The following KCTD8 variants were observed in gnomAD, a reference collection of about 807,000 sequenced individuals.
The protein encoded by KCTD8 is potassium channel tetramerization domain containing 8.
KCTD8 carries 27 observed loss-of-function variants against 31.5 expected under a neutral mutation model. The ratio of observed to expected loss-of-function variants is 0.86; its 90% CI spans 0.63 to 1.18. The LOEUF (loss-of-function observed/expected upper bound fraction) is 1.18, where lower values mean the gene tolerates loss of function less well. Among genes scored for constraint, KCTD8 ranks in the 50% most tolerant of loss-of-function variants. KCTD8 has a pLI of 0.00. For synonymous variants in KCTD8, 290 were observed against 280.0 expected, an observed-to-expected ratio of 1.04 and a Z score of -0.36; for missense variants, 658 against 647.7, an observed-to-expected ratio of 1.02 and a Z score of -0.17.
At chr4:44,365,470 A>C (rs542985321) in intron 1 of KCTD8, among the ~76,000 whole-genome samples, 2 of 152,278 alleles carry the variant, frequency 1.3e-5, no homozygotes, top group South Asian at 4.1e-4. Flanking sequence ...GCTATTTTAG[A>C]TGAATTCACA....
chr4:44,431,585 C>T (rs1301015529), intron 1 of KCTD8, among the ~76,000 whole-genome samples: 1 of 151,208 alleles, frequency 6.6e-6, no homozygotes, highest in East Asian at 1.9e-4. Context: ...TTAAAAACAA[C>T]AACAACAAAA....
chr4:44,364,652 T>A (rs191477328), intron 1 of KCTD8, among the ~76,000 whole-genome samples: 132 of 152,210 alleles, frequency 8.7e-4, no homozygotes, highest in African/African-American at 3.1e-3. Flanking sequence ...TTCCAAAACT[T>A]GAAAGCAACC....
intron 1 of KCTD8, among the ~76,000 whole-genome samples, chr4:44,428,062 A>C (rs1270818323): frequency 1.3e-5 from 2 of 151,760 alleles, no homozygotes; most frequent in Non-Finnish European, 3.0e-5. Context: ...TAATGAAATC[A>C]CAATTCAGAG....
At chr4:44,226,234 C>T (rs1714958718) in intron 1 of KCTD8, among the ~76,000 whole-genome samples, 1 of 152,066 alleles carries the variant, frequency 6.6e-6, no homozygotes, top group African/African-American at 2.4e-5. Flanking sequence ...ATGTTCCCCT[C>T]CCTGTGTCCA....
intron 1 of KCTD8, among the ~76,000 whole-genome samples, chr4:44,337,655 C>T (rs1156743705): frequency 7.1e-6 from 1 of 141,354 alleles, no homozygotes. Flanking sequence ...GCCTGAGTGA[C>T]AGAGCAAGAC....
chr4:44,300,983 T>TG (rs146213523), intron 1 of KCTD8, among the ~76,000 whole-genome samples: 32,446 of 150,626 alleles, frequency 0.22, 3,502 homozygotes, highest in East Asian at 0.29. Flanking sequence ...TTTTTGTCCT[T>TG]GCGATAGTTT....
Position 44,447,684 on chromosome 4 carries a change from A to C in KCTD8, c.840T>G (p.Phe280Leu). 6.2e-7 allele frequency: 1 copy of C among 1,612,540 alleles called. No individual in the cohort carries two copies. Among genetic ancestry groups the C allele is most frequent in the Non-Finnish European group, 8.5e-7 (1 of 1,179,450 alleles). ...GGAAGCCGGCCTCGGACAGGCGATC[A>C]AAGGCCTGCTCCAAGTAGGTGAACT... is the stretch of plus-strand genomic sequence containing the variant. Reference protein sequence around the residue: ...YLKFTYLEQAFDRLSEAGFHM... With the variant: ...YLKFTYLEQALDRLSEAGFHM... Residue 280 changes from phenylalanine to leucine, a missense_variant, in exon 1 of 2, where the codon TTT becomes TTG. By Grantham distance (22) the Phe-to-Leu change is conservative. Transcript: ENST00000360029.
At chr4:44,387,638 T>C (rs959707205) in intron 1 of KCTD8, among the ~76,000 whole-genome samples, 1 of 151,976 alleles carries the variant, frequency 6.6e-6, no homozygotes, top group African/African-American at 2.4e-5. Context: ...CCCTATTTAA[T>C]AAATGGTGCT....
rs113682570 is a variant in KCTD8 at position 44,383,542 on chromosome 4, G to A, written c.961+64021C>T. ...TACAGCCAAGTGATTTTCAACAACAGTGGCAAGAATGTACAATGGGGAAAG... is the reference window on the plus strand; with the variant it reads ...TACAGCCAAGTGATTTTCAACAACAATGGCAAGAATGTACAATGGGGAAAG... On this transcript the variant is annotated intron_variant, in intron 1 of 1. Transcript: ENST00000360029. Among the ~76,000 whole-genome samples the A allele has an allele frequency of 4.3e-3, 656 of 152,040 alleles. 4 individuals carry two copies. The highest frequency in any genetic ancestry group is 0.015 in the African/African-American group (626 of 41,508).
chr4:44,222,037 A>G (rs1052703996), intron 1 of KCTD8, among the ~76,000 whole-genome samples: 46 of 152,210 alleles, frequency 3.0e-4, no homozygotes, highest in Non-Finnish European at 1.3e-4. Flanking sequence ...AGGCACACTA[A>G]GGAAAATAAA....
At chr4:44,364,548 A>ATATGTT (rs1402186586) in intron 1 of KCTD8, among the ~76,000 whole-genome samples, 2 of 152,152 alleles carry the variant, frequency 1.3e-5, no homozygotes, top group Admixed American at 1.3e-4. Context: ...TAGTCTTATC[A>ATATGTT]TATGATCCAG....
chr4:44,233,258 G>A (rs1007207462), intron 1 of KCTD8, among the ~76,000 whole-genome samples: 16 of 152,170 alleles, frequency 1.1e-4, no homozygotes, highest in African/African-American at 3.9e-4. Flanking sequence ...AGTTTTGTCT[G>A]ACTATTTTCT....
rs993295393 is a variant in KCTD8 at position 44,393,397 on chromosome 4, T to G, written c.961+54166A>C. On this transcript the variant is annotated intron_variant, in intron 1 of 1. Coordinates refer to ENST00000360029, the MANE Select transcript of KCTD8 (RefSeq NM_198353.3). ...AAGCATTTAAAAACTACATAACAGT[T>G]ATTCTCACACTAGTGGGTCTAAATA... is the stretch of plus-strand genomic sequence containing the variant. Among the ~76,000 whole-genome samples, 8 of 152,024 alleles carry G rather than the reference T, an allele frequency of 5.3e-5. No homozygotes were observed. The East Asian group carries it at 7.8e-4, about 15-fold the overall frequency.
At chr4:44,227,346 T>C (rs1714995790) in intron 1 of KCTD8, among the ~76,000 whole-genome samples, 1 of 152,194 alleles carries the variant, frequency 6.6e-6, no homozygotes, top group Admixed American at 6.5e-5. Flanking sequence ...GATCAGATGG[T>C]TGTAGCTGTG....
intron 1 of KCTD8, among the ~76,000 whole-genome samples, chr4:44,292,057 G>A (rs529675951): frequency 7.3e-5 from 11 of 151,126 alleles, no homozygotes; most frequent in South Asian, 2.1e-4. Context: ...CATCCACTGC[G>A]GAAAGCAGTA....
chr4:44,299,396 T>C lies in KCTD8; in HGVS notation c.962-124146A>G, dbSNP rs368658943. 3.3e-4 allele frequency among the ~76,000 whole-genome samples: 50 copies of C among 152,114 alleles called. No homozygotes were observed. In the East Asian group the frequency reaches 7.6e-3, roughly 23 times the overall value. Reference sequence around the variant, plus strand: ...AGATATTTTTACCAAAAGTTTAAGGTGAGATGGGAAACTGTTGTGTATTTC... The same window carrying C: ...AGATATTTTTACCAAAAGTTTAAGGCGAGATGGGAAACTGTTGTGTATTTC... On this transcript the variant is annotated intron_variant, in intron 1 of 1. Transcript: ENST00000360029.
intron 1 of KCTD8, among the ~76,000 whole-genome samples, chr4:44,289,385 T>C (rs1717202314): frequency 6.6e-6 from 1 of 152,072 alleles, no homozygotes; most frequent in African/African-American, 2.4e-5. Context: ...TATCTAGGGA[T>C]AGAGCAAAAT....
At position 44,237,968 on chromosome 4, in the gene KCTD8, T is replaced by G. The variant is rs570712219; in HGVS notation, c.962-62718A>C. 2.0e-5 allele frequency among the ~76,000 whole-genome samples: 3 copies of G among 152,226 alleles called. No homozygotes were observed. The East Asian group carries it at 5.8e-4, about 29-fold the overall frequency. ...ATTAATTCCCCCCAAAACAACCTATTAAAAATAAGAAATAAACAAAGAAGC... is the reference window on the plus strand; with the variant it reads ...ATTAATTCCCCCCAAAACAACCTATGAAAAATAAGAAATAAACAAAGAAGC... On this transcript the variant is annotated intron_variant, in intron 1 of 1. Transcript: ENST00000360029.
At chr4:44,419,216 A>T (rs1424662531) in intron 1 of KCTD8, among the ~76,000 whole-genome samples, 1 of 152,192 alleles carries the variant, frequency 6.6e-6, no homozygotes, top group Non-Finnish European at 1.5e-5. Flanking sequence ...AGGTGGGTGC[A>T]TTCAAATCAC....
Sources: allele counts gnomAD v4.1 joint callset (sites outside exome capture counted in the v4.1 genomes callset), GRCh38; gene constraint gnomAD v4.1.1; transcripts MANE v1.5; gene names NCBI Gene and HGNC (gene_info 2026-07-23, HGNC 2026-07-21).